TEKT3: variants seen among roughly 807,000 people sequenced by gnomAD.
TEKT3 encodes the protein tektin-3.
A neutral mutation model predicts 49.8 loss-of-function variants in TEKT3; 49 were observed. The observed-to-expected ratio is 0.98, with a 90% CI of 0.78 to 1.25. The LOEUF is 1.25. Among genes scored for constraint, TEKT3 ranks in the 50% most tolerant of loss-of-function variants. The pLI is 0.00. For missense variants in TEKT3, 595 were observed against 629.5 expected, an observed-to-expected ratio of 0.95 and a Z score of 0.59; for synonymous variants, 225 against 237.2, an observed-to-expected ratio of 0.95 and a Z score of 0.47.
Position 15,308,671 on chromosome 17 carries a change from G to C in TEKT3, c.1249C>G (p.Gln417Glu), listed in dbSNP as rs1910638272. 2 of 1,606,556 alleles carry C rather than the reference G, an allele frequency of 1.2e-6. No individual in the cohort carries two copies. Among genetic ancestry groups the C allele is most frequent in the African/African-American group, 1.3e-5 (1 of 74,894 alleles). The change falls in exon 8 of 9, where the codon CAG becomes GAG. Residue 417 changes from glutamine to glutamate, a missense_variant. By Grantham distance (29) the Gln-to-Glu change is conservative. Transcript: ENST00000395930. Reference protein sequence around the residue: ...PNIELCRDMAQLRLVNEVHEV... With the variant: ...PNIELCRDMAELRLVNEVHEV... ...CTTCCCCTCCCACCTTACCGTAGCT[G>C]AGCCATGTCTCGGCACAACTCAATG...
chr17:15,307,324 T>A (rs1015409595), intron 8 of TEKT3, among the ~76,000 whole-genome samples: 17 of 152,180 alleles, frequency 1.1e-4, no homozygotes, highest in Non-Finnish European at 2.1e-4. Flanking sequence ...CTTGGTGGAA[T>A]AGAACTCTGG....
Position 15,304,191 on chromosome 17 carries a change from T to TA in TEKT3, c.1257-40dup. On this transcript the variant is annotated intron_variant, in intron 8 of 8. Transcript: ENST00000395930. The surrounding 1 kb of genome is among the most constrained non-coding windows in gnomAD (Gnocchi z 4.7). ...GAATCAGCATGGTTAGGTCAGCATGTAGCTTACGCAACTCCAAGTACATCA... is the reference window on the plus strand; with the variant it reads ...GAATCAGCATGGTTAGGTCAGCATGTAAGCTTACGCAACTCCAAGTACATCA... 1.2e-6 allele frequency: 2 copies of TA among 1,603,444 alleles called. No homozygotes were observed.
At chr17:15,309,725 C>T (rs1233095860) in intron 7 of TEKT3, among the ~76,000 whole-genome samples, 1 of 152,128 alleles carries the variant, frequency 6.6e-6, no homozygotes, top group African/African-American at 2.4e-5. Context: ...GTGCCCACTG[C>T]CTTCACTTCC....
At chr17:15,326,148 T>C (rs1911479757) in intron 4 of TEKT3, among the ~76,000 whole-genome samples, 1 of 152,142 alleles carries the variant, frequency 6.6e-6, no homozygotes, top group African/African-American at 2.4e-5. Context: ...ATGTAAGTGA[T>C]GTTAAAGCAG....
At chr17:15,308,884 T>C in intron 7 of TEKT3, 66 bp from the exon 8 acceptor site, 1 of 1,573,372 alleles carries the variant, frequency 6.4e-7, no homozygotes, top group East Asian at 2.3e-5. Context: ...GCCTCCCACC[T>C]CTTGCCTGTC....
At chr17:15,336,034 G>T (rs1031911195) in intron 2 of TEKT3, among the ~76,000 whole-genome samples, 3 of 151,800 alleles carry the variant, frequency 2.0e-5, no homozygotes, top group African/African-American at 7.3e-5. Context: ...GGAAATAATG[G>T]CTGAATATTT....
intron 4 of TEKT3, 114 bp from the exon 5 acceptor site, chr17:15,319,261 A>G (rs996202555): frequency 2.4e-6 from 2 of 840,980 alleles, no homozygotes; most frequent in Non-Finnish European, 3.6e-6. Flanking sequence ...AATACTGTGA[A>G]GTTAAACAAG....
chr17:15,319,387 A>AT (rs1911156670), intron 4 of TEKT3, among the ~76,000 whole-genome samples: 1 of 152,208 alleles, frequency 6.6e-6, no homozygotes, highest in Non-Finnish European at 1.5e-5. Context: ...TTATGGAACA[A>AT]GTGGGGACAT....
chr17:15,310,595 G>A (rs751922817), intron 7 of TEKT3, among the ~76,000 whole-genome samples: 12 of 151,910 alleles, frequency 7.9e-5, no homozygotes, highest in Admixed American at 2.0e-4. Context: ...CAACCCTGCC[G>A]GCACCTTGAT....
chr17:15,309,783 G>A (rs1421973016), intron 7 of TEKT3, among the ~76,000 whole-genome samples: 2 of 152,016 alleles, frequency 1.3e-5, no homozygotes, highest in African/African-American at 2.4e-5. Flanking sequence ...TCTGGCCCTA[G>A]CTGCTGTCAT....
chr17:15,330,872 C>T (rs773871207), intron 3 of TEKT3, 135 bp downstream of exon 3: 23 of 911,028 alleles, frequency 2.5e-5, no homozygotes, highest in African/African-American at 6.8e-5. Context: ...TTGCTGAAAA[C>T]AGTCACAGAT....
At chr17:15,328,405 G>A (rs564548014) in intron 3 of TEKT3, among the ~76,000 whole-genome samples, 1 of 152,306 alleles carries the variant, frequency 6.6e-6, no homozygotes, top group East Asian at 1.9e-4. Context: ...AGATAGTTCA[G>A]TAACATGAGA....
intron 2 of TEKT3, among the ~76,000 whole-genome samples, chr17:15,335,243 T>C (rs1016567646): frequency 1.3e-5 from 2 of 152,246 alleles, no homozygotes; most frequent in Non-Finnish European, 2.9e-5. Flanking sequence ...AAGTGAGCTA[T>C]GCCGAAATAG....
rs1370003437 is a variant in TEKT3 at position 15,304,077 on chromosome 17, G to T, written c.1332C>A (p.Thr444=). The change falls in exon 9 of 9, where the codon ACC becomes ACA. Residue 444 remains threonine, a synonymous_variant. Transcript: ENST00000395930. The surrounding 1 kb of genome is among the most constrained non-coding windows in gnomAD (Gnocchi z 4.7). ...LQQRLRDAED[T]LQSLVHIKAT... The stretch of plus-strand genomic sequence containing the variant: ...CTTTGATGTGGACCAGCGACTGCAG[G>T]GTGTCCTCTGCATCCCTCAGGCGCT... 1.2e-6 allele frequency: 2 copies of T among 1,613,928 alleles called. No homozygotes were observed. The highest frequency in any genetic ancestry group is 1.3e-5 in the African/African-American group (1 of 75,032).
rs1276035343 is a variant in TEKT3, at chr17:15,308,791, T to C, written c.1129A>G (p.Met377Val). The stretch of plus-strand genomic sequence containing the variant: ...GCCTTCTTGATGGATTCTATGGTCA[T>C]TTCAGTCTGGAAAATCTCCTGCAGG... ...KTLQEIFQTE[M>V]TIESIKKAIK... Residue 377 changes from methionine (M) to valine (V), a missense_variant, in exon 8 of 9, where the codon ATG becomes GTG. Met to Val is a conservative substitution (Grantham distance 21). Transcript: ENST00000395930. 1.2e-6 allele frequency: 2 copies of C among 1,614,052 alleles called. No individual in the cohort carries two copies. Among genetic ancestry groups the C allele is most frequent in the Non-Finnish European group, 8.5e-7 (1 of 1,179,970 alleles).
At chr17:15,336,841 G>A (rs915429490) in intron 2 of TEKT3, among the ~76,000 whole-genome samples, 2 of 152,138 alleles carry the variant, frequency 1.3e-5, no homozygotes, top group African/African-American at 4.8e-5. Flanking sequence ...GTATGCCTAA[G>A]ACCTCTTTGG....
intron 8 of TEKT3, among the ~76,000 whole-genome samples, chr17:15,306,097 G>A (rs199995050): frequency 0.21 from 17,899 of 85,034 alleles, 2,487 homozygotes; most frequent in African/African-American, 0.46. Context: ...ATATGTGTGT[G>A]TGTGTGTGTG....
intron 4 of TEKT3, 109 bp from the exon 5 acceptor site, chr17:15,319,256 T>C (rs1470999021): frequency 3.3e-6 from 3 of 901,400 alleles, no homozygotes; most frequent in Non-Finnish European, 5.0e-6. Flanking sequence ...CTTAAAATAC[T>C]GTGAAGTTAA....
intron 2 of TEKT3, among the ~76,000 whole-genome samples, chr17:15,332,991 A>T (rs1353606993): frequency 2.6e-5 from 4 of 151,012 alleles, no homozygotes. Flanking sequence ...AAACTGAATT[A>T]TCCTAATCAT....
Sources: allele counts gnomAD v4.1 joint callset (sites outside exome capture counted in the v4.1 genomes callset), GRCh38; gene constraint gnomAD v4.1.1; non-coding constraint Gnocchi (gnomAD v3.1); transcripts MANE v1.5; gene names NCBI Gene and HGNC (gene_info 2026-07-23, HGNC 2026-07-21).